ATG2B: variants seen among roughly 807,000 people sequenced by gnomAD.
ATG2B encodes autophagy-related protein 2 homolog B.
Under a neutral mutation model 241.3 loss-of-function variants are expected in ATG2B, and 121 were observed. That is an observed-to-expected ratio of 0.50 (90% CI 0.43 to 0.58). The LOEUF is 0.58. ATG2B is among the 20% of genes least tolerant of loss of function. The pLI, the probability that ATG2B is intolerant of heterozygous loss-of-function variation, is 0.00. For missense variants in ATG2B, 2,306 were observed against 2,491.6 expected, an observed-to-expected ratio of 0.93 and a Z score of 1.59; for synonymous variants, 858 against 876.6, an observed-to-expected ratio of 0.98 and a Z score of 0.37.
In ATG2B at chr14:96,315,252, A is replaced by G. The variant is rs545232170; in HGVS notation, c.3562-18T>C. 1.2e-6 allele frequency: 2 copies of G among 1,609,356 alleles called. No homozygotes were observed. The highest frequency in any genetic ancestry group is 2.2e-5 in the East Asian group (1 of 44,822). On this transcript the variant is annotated intron_variant, in intron 22 of 41. Transcript: ENST00000359933. ...AGAAATTCCTATACAGAACAAGACA[A>G]AGAATGACATTTACCACCTATGTAA...
At position 96,306,698 on chromosome 14, in the gene ATG2B, G is replaced by C; in HGVS notation, c.4506+16C>G. Reference sequence around the variant, plus strand: ...TAACACCATTCAAGGCTTCAATAATGTTATTAATTTATTACCTGCATGGCT... The same window carrying C: ...TAACACCATTCAAGGCTTCAATAATCTTATTAATTTATTACCTGCATGGCT... On this transcript the variant is annotated intron_variant, in intron 30 of 41. Transcript: ENST00000359933. The C allele has an allele frequency of 3.7e-6, 6 of 1,606,042 alleles. No individual in the cohort carries two copies. The highest frequency in any genetic ancestry group is 5.1e-6 in the Non-Finnish European group (6 of 1,174,474).
chr14:96,348,409 A>G (rs1333809188), intron 1 of ATG2B, among the ~76,000 whole-genome samples: 1 of 152,180 alleles, frequency 6.6e-6, no homozygotes, highest in Non-Finnish European at 1.5e-5. Context: ...AGGGCCAGGC[A>G]TGGTGGCTCA....
At chr14:96,352,865 T>C (rs2139906641) in intron 1 of ATG2B, among the ~76,000 whole-genome samples, 1 of 152,170 alleles carries the variant, frequency 6.6e-6, no homozygotes, top group Middle Eastern at 3.4e-3. Context: ...AAGTGTACAG[T>C]GTTTATAAAG....
Position 96,331,499 on chromosome 14 carries a change from A to C in ATG2B, c.1607T>G (p.Leu536Trp). 6.2e-7 allele frequency: 1 copy of C among 1,614,128 alleles called. No individual in the cohort carries two copies. Among genetic ancestry groups the C allele is most frequent in the African/African-American group, 1.3e-5 (1 of 75,060 alleles). ...PPETSQNLNP[L>W]TPMAVAFFTC... Reference sequence around the variant, plus strand: ...AAAGAAAGCTACTGCCATAGGTGTCAATGGATTAAGGTTCTGTGACGTTTC... The same window carrying C: ...AAAGAAAGCTACTGCCATAGGTGTCCATGGATTAAGGTTCTGTGACGTTTC... The change falls in exon 11 of 42, where the codon TTG becomes TGG. Residue 536 changes from leucine to tryptophan, a missense_variant. Physicochemically the swap from Leu to Trp is moderately conservative, Grantham distance 61. This residue lies in a region of ATG2B where 1,927 missense variants were observed against 2,011.2 expected (regional missense o/e 0.96). Transcript: ENST00000359933.
Position 96,345,271 on chromosome 14 carries a change from A to G in ATG2B, c.440T>C (p.Phe147Ser). 1.2e-6 allele frequency: 2 copies of G among 1,612,876 alleles called. No homozygotes were observed. Among genetic ancestry groups the G allele is most frequent in the Non-Finnish European group, 1.7e-6 (2 of 1,179,516 alleles). Residue 147 changes from phenylalanine to serine, a missense_variant, in exon 3 of 42, where the codon TTT becomes TCT. Around this residue, in one of 2 missense-constraint regions of ATG2B, gnomAD observed 1,927 missense variants for 2,011.2 expected, o/e 0.96. Coordinates refer to ENST00000359933, the MANE Select transcript of ATG2B (RefSeq NM_018036.7). ...TDEQGEGSQP[F>S]EGLEKFAETI... is the part of the protein sequence containing the mutation. The stretch of plus-strand genomic sequence containing the variant: ...TTCAGCAAACTTTTCAAGTCCTTCA[A>G]AAGGCTGGGATCCTTCTCCTTGTTC...
At chr14:96,336,084 CAT>C (rs951333534) in intron 6 of ATG2B, among the ~76,000 whole-genome samples, 2 of 150,804 alleles carry the variant, frequency 1.3e-5, no homozygotes, top group African/African-American at 4.9e-5. Flanking sequence ...TTCCTAAAAA[CAT>C]AGGCTAAAAC....
intron 36 of ATG2B, among the ~76,000 whole-genome samples, chr14:96,294,198 T>C (rs1278879093): frequency 6.6e-6 from 1 of 152,080 alleles, no homozygotes; most frequent in Non-Finnish European, 1.5e-5. Flanking sequence ...CTTCAGAACC[T>C]AGAGAGAAAG....
chr14:96,334,618 T>C lies in ATG2B; in HGVS notation c.925-117A>G. 5.5e-6 allele frequency: 3 copies of C among 545,716 alleles called. No individual in the cohort carries two copies. The South Asian group carries it at 1.0e-4, about 19-fold the overall frequency. 33.8% of individuals were successfully genotyped at this position (545,716 alleles called of 1,614,324 possible). On this transcript the variant is annotated intron_variant, in intron 6 of 41. Coordinates refer to ENST00000359933, the MANE Select transcript of ATG2B (RefSeq NM_018036.7). ...ACTGAGTCTTTAGTCTTGGAGTCCT[T>C]CATCTGAGACTCTCTCTACTAATTC...
rs1887570049 is a variant in ATG2B at position 96,325,676 on chromosome 14, A to G, written c.2410T>C (p.Leu804=). The change falls in exon 15 of 42, where the codon TTG becomes CTG. Residue 804 remains leucine (L), a synonymous_variant. Transcript: ENST00000359933. ...ATTAGTTCTCTAAAGGTAAGTTCCA[A>G]TTTAATTTGTTCTGGGGTTGATCCT... ...IGGSTPEQIK[L]ELTFRELIGS... 5 of 1,613,138 alleles carry G rather than the reference A, an allele frequency of 3.1e-6. No homozygotes were observed. In the Admixed American group the frequency reaches 5.0e-5, roughly 16 times the overall value.
intron 34 of ATG2B, among the ~76,000 whole-genome samples, chr14:96,296,904 C>T (rs943332475): frequency 2.6e-5 from 4 of 152,064 alleles, no homozygotes; most frequent in African/African-American, 9.7e-5. Flanking sequence ...CTACTGATCA[C>T]ATATCTCAGA....
chr14:96,300,089 T>C (rs1886749712), intron 34 of ATG2B, among the ~76,000 whole-genome samples: 1 of 152,258 alleles, frequency 6.6e-6, no homozygotes, highest in African/African-American at 2.4e-5. Context: ...TAATGAATTA[T>C]TTCTCATTCT....
At chr14:96,306,407 T>C (rs909678090) in intron 30 of ATG2B, among the ~76,000 whole-genome samples, 3 of 152,172 alleles carry the variant, frequency 2.0e-5, no homozygotes, top group Non-Finnish European at 4.4e-5. Flanking sequence ...GGACTAGCAA[T>C]TCTGTCCAGC....
rs1414633168 is a variant in ATG2B, at chr14:96,285,047, C to T, written c.*708G>A. The T allele has an allele frequency of 6.6e-6, 1 of 152,220 alleles. No homozygotes were observed. The highest frequency in any genetic ancestry group is 1.9e-4 in the East Asian group (1 of 5,204). 9.4% of individuals were successfully genotyped at this position (152,220 alleles called of 1,614,324 possible). A position where few individuals can be genotyped will look rare whatever the true frequency, so the allele number is the denominator to read the frequency against. On this transcript the variant is annotated 3_prime_UTR_variant, in exon 42 of 42. Coordinates refer to ENST00000359933, the MANE Select transcript of ATG2B (RefSeq NM_018036.7). This position sits in a 1 kb window ranked among gnomAD's most constrained non-coding sequence, Gnocchi z 4.2. The stretch of plus-strand genomic sequence containing the variant: ...TGAAGTTACCTTCCTTTGCCAAAAA[C>T]TTTCAGACAAGTTTACTGCTCTTTA...
At chr14:96,342,929 C>G (rs958400124) in intron 5 of ATG2B, among the ~76,000 whole-genome samples, 190 bp downstream of exon 5, 8 of 152,092 alleles carry the variant, frequency 5.3e-5, no homozygotes, top group Middle Eastern at 3.2e-3. Flanking sequence ...ACACAGCACA[C>G]TGGTAGGAAT....
rs1307646640 is a variant in ATG2B, at chr14:96,306,705, AT to A, written c.4506+8del. ...ATTCAAGGCTTCAATAATGTTATTA[AT>A]TTATTACCTGCATGGCTGCTTTTGG... On this transcript the variant is annotated splice_region_variant and intron_variant, in intron 30 of 41. Transcript: ENST00000359933. 16 of 1,609,912 alleles carry A rather than the reference AT, an allele frequency of 9.9e-6. No homozygotes were observed. The highest frequency in any genetic ancestry group is 1.3e-5 in the Non-Finnish European group (15 of 1,177,338).
At chr14:96,298,086 G>A (rs367590547) in intron 34 of ATG2B, among the ~76,000 whole-genome samples, 1 of 151,986 alleles carries the variant, frequency 6.6e-6, no homozygotes, top group Admixed American at 6.6e-5. Context: ...TGAGTAACCC[G>A]CACCCGACCC....
chr14:96,299,944 G>A (rs1026267513), intron 34 of ATG2B, among the ~76,000 whole-genome samples: 7 of 152,228 alleles, frequency 4.6e-5, no homozygotes, highest in African/African-American at 1.7e-4. Context: ...CTACTCAGAC[G>A]ACCATTTACT....
At chr14:96,288,165 C>T (rs909646115) in intron 41 of ATG2B, among the ~76,000 whole-genome samples, 6 of 152,040 alleles carry the variant, frequency 3.9e-5, no homozygotes, top group Non-Finnish European at 8.8e-5. Context: ...ACCCAAATAC[C>T]CAGTTCCAAT....
chr14:96,311,505 A>T, intron 27 of ATG2B, 37 bp downstream of exon 27: 1 of 1,512,136 alleles, frequency 6.6e-7, no homozygotes, highest in South Asian at 1.2e-5. Context: ...CTCTTAAAAA[A>T]TAGAACTTAA....
Sources: gnomAD v4.1 joint callset for allele counts (sites outside exome capture counted in the v4.1 genomes callset) on GRCh38, gnomAD v4.1.1 for gene constraint, gnomAD v4.1.1 regional missense constraint, Gnocchi (gnomAD v3.1) non-coding constraint, MANE v1.5 for transcripts, NCBI Gene and HGNC (gene_info 2026-07-23, HGNC 2026-07-21) for gene names.